The following MALRD1 variants were observed in gnomAD, a reference collection of about 807,000 sequenced individuals.
MALRD1 encodes MAM and LDL-receptor class A domain-containing protein 1.
In MALRD1, 247 loss-of-function variants were observed where a neutral mutation model predicts 242.1. The ratio of observed to expected loss-of-function variants is 1.02; its 90% CI spans 0.92 to 1.13. The LOEUF (loss-of-function observed/expected upper bound fraction) is 1.13, where lower values mean the gene tolerates loss of function less well. MALRD1 is among the 50% of genes most tolerant of loss of function. The pLI is 0.00. For synonymous variants in MALRD1, 995 were observed against 866.6 expected (o/e 1.15, Z -2.60); for missense variants, 2,989 against 2,533.1 (o/e 1.18, Z -3.86).
At chr10:19,182,324 ATTTTTTTT>A (rs34790120) in intron 14 of MALRD1, among the ~76,000 whole-genome samples, 2 of 81,960 alleles carry the variant, frequency 2.4e-5, no homozygotes, top group Non-Finnish European at 4.4e-5. Context: ...CAAAACCTAC[ATTTTTTTT>A]TTTTTTTTTT....
chr10:19,375,468 G>T (rs548201039), intron 26 of MALRD1, among the ~76,000 whole-genome samples: 100 of 152,138 alleles, frequency 6.6e-4, no homozygotes, highest in African/African-American at 2.3e-3. Context: ...GGGCTTTAAG[G>T]TAATAGATCT....
rs557519493 is a variant in MALRD1 at position 19,232,468 on chromosome 10, A to C, written c.2991+22788A>C. On this transcript the variant is annotated intron_variant, in intron 18 of 39. Coordinates refer to ENST00000454679, the MANE Select transcript of MALRD1 (RefSeq NM_001142308.3). The stretch of plus-strand genomic sequence containing the variant: ...GCTGGGATTATAGGCATGAGCCACC[A>C]CTCCTGGCCCAAAGTTCATATTTTA... Among the ~76,000 whole-genome samples the C allele has an allele frequency of 2.1e-4, 32 of 151,014 alleles. 2 individuals are homozygous for C. The South Asian group carries it at 6.3e-3, about 30-fold the overall frequency.
At chr10:19,188,255 G>T (rs538385776) in intron 14 of MALRD1, among the ~76,000 whole-genome samples, 4 of 152,286 alleles carry the variant, frequency 2.6e-5, no homozygotes, top group African/African-American at 9.6e-5. Context: ...ATTGATAGTT[G>T]CTAAGCAAGG....
chr10:19,415,582 A>G (rs1015628686), intron 28 of MALRD1, among the ~76,000 whole-genome samples: 1 of 152,198 alleles, frequency 6.6e-6, no homozygotes, highest in African/African-American at 2.4e-5. Flanking sequence ...TAAAAAAATA[A>G]GATATATTCA....
chr10:19,233,400 G>A (rs778595114), intron 18 of MALRD1, among the ~76,000 whole-genome samples: 2 of 152,120 alleles, frequency 1.3e-5, no homozygotes, highest in Non-Finnish European at 2.9e-5. Context: ...TACTCGGGAG[G>A]CTGAGACAGG....
intron 18 of MALRD1, among the ~76,000 whole-genome samples, chr10:19,220,392 A>G (rs1213037306): frequency 1.3e-5 from 2 of 152,184 alleles, no homozygotes; most frequent in Admixed American, 6.5e-5. Context: ...AAATTCTGAC[A>G]ATAACTTCTA....
chr10:19,223,534 A>G (rs1837652294), intron 18 of MALRD1, among the ~76,000 whole-genome samples: 2 of 152,042 alleles, frequency 1.3e-5, no homozygotes, highest in Non-Finnish European at 2.9e-5. Context: ...TTACATTTAC[A>G]TTTGTGTGTA....
Position 19,257,737 on chromosome 10 carries a change from TG to T in MALRD1, c.3046del (p.Asp1016IlefsTer28). The T allele has an allele frequency of 6.5e-7, 1 of 1,542,534 alleles. No homozygotes were observed. ...GCTTCACTGGAGATATTGCGATTGA[TG>T]ATCTGTCATTTATGGACTGCACCCT... ...DGFTGDIAID[D>X]LSFMDCTLYP... is the part of the protein sequence containing the mutation. On this transcript the variant is annotated frameshift_variant, in exon 19 of 40. Transcript: ENST00000454679. LOFTEE classifies it high-confidence loss of function.
chr10:19,486,564 C>G (rs2131197552), intron 29 of MALRD1, among the ~76,000 whole-genome samples: 1 of 152,170 alleles, frequency 6.6e-6, no homozygotes, highest in South Asian at 2.1e-4. Flanking sequence ...AACTAAATAC[C>G]ATGGTCTTCA....
intron 32 of MALRD1, among the ~76,000 whole-genome samples, chr10:19,536,048 A>G (rs1834659831): frequency 6.6e-6 from 1 of 152,170 alleles, no homozygotes; most frequent in Non-Finnish European, 1.5e-5. Flanking sequence ...TTGTCAGCGT[A>G]AATTTTCTGA....
At chr10:19,584,502 C>T (rs1263418636) in intron 33 of MALRD1, among the ~76,000 whole-genome samples, 1 of 152,240 alleles carries the variant, frequency 6.6e-6, no homozygotes, top group Non-Finnish European at 1.5e-5. Context: ...CATTCAGGAG[C>T]AGGTTGGTCA....
At chr10:19,443,844 G>A (rs1434264571) in intron 28 of MALRD1, among the ~76,000 whole-genome samples, 2 of 152,134 alleles carry the variant, frequency 1.3e-5, no homozygotes, top group Non-Finnish European at 2.9e-5. Context: ...CATCCACTTG[G>A]TGCACAGCTG....
intron 5 of MALRD1, among the ~76,000 whole-genome samples, chr10:19,110,298 A>T (rs2131350987): frequency 6.6e-6 from 1 of 152,342 alleles, no homozygotes; most frequent in East Asian, 1.9e-4. Flanking sequence ...CTTGCCACAT[A>T]GACCAAGCCT....
chr10:19,238,526 A>G lies in MALRD1; in HGVS notation c.2992-19158A>G, dbSNP rs1431420811. On this transcript the variant is annotated intron_variant, in intron 18 of 39. Transcript: ENST00000454679. ...ATAATATATAATGTATATTATATAT[A>G]ATATACATTATATATAATATATAAT... Among the ~76,000 whole-genome samples, 2 of 89,170 alleles carry G rather than the reference A, an allele frequency of 2.2e-5. 1 individual carries two copies. The highest frequency in any genetic ancestry group is 8.8e-5 in the African/African-American group (2 of 22,706). The allele number at this position is 89,170 out of a possible 152,430, so 58.5% of individuals were successfully genotyped here.
chr10:19,400,928 A>G (rs745753290), intron 28 of MALRD1, among the ~76,000 whole-genome samples: 7 of 152,142 alleles, frequency 4.6e-5, no homozygotes, highest in South Asian at 2.1e-4. Context: ...AGGCAGGAGA[A>G]TCGCTTGAAC....
intron 19 of MALRD1, among the ~76,000 whole-genome samples, chr10:19,261,196 G>A (rs1462733659): frequency 6.6e-6 from 1 of 152,130 alleles, no homozygotes; most frequent in African/African-American, 2.4e-5. Context: ...AGGTAAAACA[G>A]CTACTAGAAG....
intron 21 of MALRD1, among the ~76,000 whole-genome samples, chr10:19,304,968 A>G (rs1288647666): frequency 1.3e-5 from 2 of 151,698 alleles, no homozygotes; most frequent in Admixed American, 1.3e-4. Flanking sequence ...CTCATCAACC[A>G]AAAAGTATTG....
At chr10:19,134,541 GTTTA>G (rs72341332) in intron 9 of MALRD1, among the ~76,000 whole-genome samples, 21,831 of 152,060 alleles carry the variant, frequency 0.14, 1,740 homozygotes, top group Non-Finnish European at 0.18. Context: ...GAATGTGTAA[GTTTA>G]TTTATGCTGG....
intron 28 of MALRD1, among the ~76,000 whole-genome samples, chr10:19,421,209 GTGTGTA>G (rs1833707731): frequency 6.6e-6 from 1 of 152,136 alleles, no homozygotes; most frequent in East Asian, 1.9e-4. Context: ...ATCTGTTTGT[GTGTGTA>G]TGTGTATGTG....
Sources: gnomAD v4.1 joint callset for allele counts (sites outside exome capture counted in the v4.1 genomes callset) on GRCh38, gnomAD v4.1.1 for gene constraint, MANE v1.5 for transcripts, NCBI Gene and HGNC (gene_info 2026-07-23, HGNC 2026-07-21) for gene names.